CTTN: variants seen among roughly 807,000 people sequenced by gnomAD.
CTTN encodes cortactin, also known as src substrate cortactin.
Under a neutral mutation model 84.0 loss-of-function variants are expected in CTTN, and 28 were observed. The observed-to-expected ratio is 0.33, with a 90% CI of 0.25 to 0.46. The LOEUF is 0.46. Among genes scored for constraint, CTTN ranks in the 20% least tolerant of loss-of-function variants. The pLI, the probability that CTTN is intolerant of heterozygous loss-of-function variation, is 1.00. For missense variants in CTTN, 641 were observed against 723.8 expected, an observed-to-expected ratio of 0.89 and a Z score of 1.31; for synonymous variants, 301 against 288.8, an observed-to-expected ratio of 1.04 and a Z score of -0.43.
intron 15 of CTTN, among the ~76,000 whole-genome samples, chr11:70,431,882 C>G (rs1052592420): frequency 2.0e-5 from 3 of 152,188 alleles, no homozygotes; most frequent in African/African-American, 7.2e-5. Context: ...TCTCCTGCTC[C>G]CCGCCAGCAC....
chr11:70,421,505 C>T lies in CTTN; in HGVS notation c.826C>T (p.Gln276Ter). ...TGGTTTTGGAGGCAAATTCGGTGTT[C>T]AGTCGGAGAGGCAGGACTCCGCTGC... Reference protein sequence around the residue: ...KTGFGGKFGVQSERQDSAAVG... With the variant: ...KTGFGGKFGV Residue 276 changes from glutamine (Q) to a stop codon, truncating the protein, a stop_gained, in exon 11 of 18, where the codon CAG (glutamine) becomes TAG (stop). Coordinates refer to ENST00000301843, the MANE Select transcript of CTTN (RefSeq NM_005231.4). LOFTEE classifies it high-confidence loss of function. The T allele has an allele frequency of 6.2e-7, 1 of 1,614,062 alleles. No homozygotes were observed. Among genetic ancestry groups the T allele is most frequent in the Non-Finnish European group, 8.5e-7 (1 of 1,179,926 alleles).
chr11:70,405,135 C>T (rs2135550586), intron 1 of CTTN, 130 bp from the exon 2 acceptor site: 1 of 152,356 alleles, frequency 6.6e-6, no homozygotes, highest in East Asian at 1.9e-4. Flanking sequence ...TCTCAGATTT[C>T]ATTACAAAAC....
intron 1 of CTTN, among the ~76,000 whole-genome samples, chr11:70,399,246 C>T (rs2057947211): frequency 7.2e-6 from 1 of 138,372 alleles, no homozygotes; most frequent in Non-Finnish European, 1.5e-5. Flanking sequence ...GGAAGGGGTC[C>T]AGGCGCAGAG....
At chr11:70,399,166 T>C (rs892358322) in intron 1 of CTTN, among the ~76,000 whole-genome samples, 13 of 142,338 alleles carry the variant, frequency 9.1e-5, no homozygotes, top group Admixed American at 9.1e-4. Flanking sequence ...GGGCGAGGGG[T>C]CTGAGAGGGA....
chr11:70,421,321 C>A (rs1383174353), intron 10 of CTTN, 149 bp from the exon 11 acceptor site: 12 of 684,382 alleles, frequency 1.8e-5, no homozygotes, highest in Non-Finnish European at 3.2e-5. Context: ...TGGCGCTGAG[C>A]CTGGGAGTAG....
Position 70,431,220 on chromosome 11 carries a change from C to T in CTTN, c.1206C>T (p.Pro402=). 2.5e-6 allele frequency: 4 copies of T among 1,614,184 alleles called. No homozygotes were observed. Among genetic ancestry groups the T allele is most frequent in the Non-Finnish European group, 3.4e-6 (4 of 1,180,034 alleles). Residue 402 remains proline (P), a synonymous_variant, in exon 15 of 18, where the codon CCC becomes CCT. Transcript: ENST00000301843. ...EEQARAKTQT[P]PVSPAPQPTE... is the part of the protein sequence containing the mutation. ...AAGCCAGAGCCAAAACGCAAACGCC[C>T]CCTGTGTCGCCCGCACCTCAGCCAA...
At chr11:70,410,025 G>T in intron 5 of CTTN, 65 bp downstream of exon 5, 1 of 1,574,020 alleles carries the variant, frequency 6.4e-7, no homozygotes, top group Non-Finnish European at 8.7e-7. Context: ...CTGGGTGGCA[G>T]AGTCGTCCCT....
chr11:70,428,268 C>T (rs1413273712), intron 13 of CTTN, among the ~76,000 whole-genome samples: 1 of 146,104 alleles, frequency 6.8e-6, no homozygotes, highest in Non-Finnish European at 1.5e-5. Context: ...CAGGTTCAAG[C>T]GATTCTCCTG....
At chr11:70,421,978 A>C in intron 11 of CTTN, 1 of 218,346 alleles carries the variant, frequency 4.6e-6, no homozygotes, top group Non-Finnish European at 9.2e-6. Flanking sequence ...TGTTGGTTCA[A>C]CCAAACCACT....
chr11:70,421,109 T>A (rs1296786011), intron 10 of CTTN, among the ~76,000 whole-genome samples: 1 of 152,192 alleles, frequency 6.6e-6, no homozygotes, highest in East Asian at 1.9e-4. Context: ...TGCAGCGCCC[T>A]CCGAATCTGC....
intron 1 of CTTN, among the ~76,000 whole-genome samples, chr11:70,400,790 G>T (rs1028294140): frequency 6.6e-6 from 1 of 152,238 alleles, no homozygotes; most frequent in Admixed American, 6.5e-5. Context: ...AAGAGCAGGG[G>T]ACTGTGCTCC....
intron 4 of CTTN, chr11:70,408,448 A>T (rs2058066819): frequency 6.6e-6 from 1 of 152,328 alleles, no homozygotes; most frequent in South Asian, 2.1e-4. Context: ...CCCAGGCTGG[A>T]GTGCAGTGGT....
Position 70,433,101 on chromosome 11 carries a change from G to A in CTTN, c.1267G>A (p.Asp423Asn). The change falls in exon 16 of 18, where the codon GAT becomes AAT. Residue 423 changes from aspartate (D) to asparagine (N), a missense_variant and splice_region_variant. Asp to Asn is a conservative substitution (Grantham distance 23). Coordinates refer to ENST00000301843, the MANE Select transcript of CTTN (RefSeq NM_005231.4). ...CCATGTGCGTGTGACCCTTCCCCAGGATGCGGCTTCCTTCAAGGCAGAGCT... is the reference window on the plus strand; with the variant it reads ...CCATGTGCGTGTGACCCTTCCCCAGAATGCGGCTTCCTTCAAGGCAGAGCT... ...ERLPSSPVYE[D>N]AASFKAELSY... 6.2e-7 allele frequency: 1 copy of A among 1,613,170 alleles called. No individual in the cohort carries two copies. Among genetic ancestry groups the A allele is most frequent in the Non-Finnish European group, 8.5e-7 (1 of 1,179,744 alleles).
chr11:70,414,443 A>G lies in CTTN; in HGVS notation c.292-99A>G, dbSNP rs565698616. On this transcript the variant is annotated intron_variant, in intron 5 of 17. Coordinates refer to ENST00000301843, the MANE Select transcript of CTTN (RefSeq NM_005231.4). ...GTGTGTTAATGTAAGGTTTCCCTGC[A>G]CTGACCAGGATGTGGCCTCCCCCAG... The G allele has an allele frequency of 7.4e-5, 63 of 848,286 alleles. 2 individuals are homozygous for G. In the South Asian group the frequency reaches 9.2e-4, roughly 12 times the overall value. 52.5% of individuals were successfully genotyped at this position (848,286 alleles called of 1,614,324 possible).
intron 10 of CTTN, among the ~76,000 whole-genome samples, chr11:70,420,834 C>T (rs932697031): frequency 2.7e-5 from 4 of 146,010 alleles, no homozygotes; most frequent in East Asian, 2.0e-4. Context: ...TGGGTTTACC[C>T]GGGAGTGGGG....
Position 70,435,253 on chromosome 11 carries a change from G to GTTTTTTCTT in CTTN, c.*97_*98insCTTTTTTTT. On this transcript the variant is annotated 3_prime_UTR_variant, in exon 18 of 18. Transcript: ENST00000301843. ...TCTTGGGTGGTTTTGGGTTTTTTCT[G>GTTTTTTCTT]TTTTTTTTTTTTTTTTTTTTTTTTT... 1.1e-6 allele frequency: 1 copy of GTTTTTTCTT among 936,826 alleles called. No homozygotes were observed. The highest frequency in any genetic ancestry group is 2.7e-5 in the South Asian group (1 of 37,282). 58.0% of individuals were successfully genotyped at this position (936,826 alleles called of 1,614,324 possible). A position where few individuals can be genotyped will look rare whatever the true frequency, so the allele number is the denominator to read the frequency against.
intron 1 of CTTN, among the ~76,000 whole-genome samples, chr11:70,401,098 C>G (rs2057973630): frequency 6.6e-6 from 1 of 152,094 alleles, no homozygotes; most frequent in Admixed American, 6.5e-5. Context: ...CTTTGGGAGG[C>G]TAAGGGCAGG....
chr11:70,425,917 G>A (rs2058295376), intron 13 of CTTN, among the ~76,000 whole-genome samples: 1 of 152,192 alleles, frequency 6.6e-6, no homozygotes, highest in African/African-American at 2.4e-5. Flanking sequence ...GAGTCAAGTA[G>A]TTGGGGAAAA....
rs1849040499 is a variant in CTTN, at chr11:70,420,123, G to T, written c.679+267G>T. On this transcript the variant is annotated intron_variant, in intron 9 of 17. Coordinates refer to ENST00000301843, the MANE Select transcript of CTTN (RefSeq NM_005231.4). ...ACGTCTGTGTTGCCCGTGTGAGCCTGTGCTGTCTCATGGTGCGGGTGGAAG... is the reference window on the plus strand; with the variant it reads ...ACGTCTGTGTTGCCCGTGTGAGCCTTTGCTGTCTCATGGTGCGGGTGGAAG... 6 of 598,448 alleles carry T rather than the reference G, an allele frequency of 1.0e-5. No individual in the cohort carries two copies. The South Asian group carries it at 1.0e-4, about 10-fold the overall frequency. 37.1% of individuals were successfully genotyped at this position (598,448 alleles called of 1,614,324 possible).
Sources: gnomAD v4.1 joint callset for allele counts (sites outside exome capture counted in the v4.1 genomes callset) on GRCh38, gnomAD v4.1.1 for gene constraint, MANE v1.5 for transcripts, NCBI Gene and HGNC (gene_info 2026-07-23, HGNC 2026-07-21) for gene names.